STAMBPL1: variants seen among roughly 807,000 people sequenced by gnomAD.
STAMBPL1 encodes STAM binding protein like 1, also known as AMSH-like protease.
Under a neutral mutation model 52.9 loss-of-function variants are expected in STAMBPL1, and 44 were observed. That is an observed-to-expected ratio of 0.83 (90% CI 0.65 to 1.07). STAMBPL1 has a LOEUF of 1.07. Ranked by LOEUF, STAMBPL1 falls within the 50% of genes least tolerant of loss-of-function variation. The pLI is 0.00. For missense variants in STAMBPL1, 511 were observed against 520.8 expected, an observed-to-expected ratio of 0.98 and a Z score of 0.18; for synonymous variants, 164 against 177.3, an observed-to-expected ratio of 0.92 and a Z score of 0.60.
At chr10:88,881,555 A>G (rs1844406504) in intron 1 of STAMBPL1, among the ~76,000 whole-genome samples, 2 of 152,172 alleles carry the variant, frequency 1.3e-5, no homozygotes. Context: ...ATTTTAAGCT[A>G]TTTCCGAAGA....
At chr10:88,908,654 G>A (rs766623833) in intron 3 of STAMBPL1, 48 bp from the exon 4 acceptor site, 9 of 1,467,112 alleles carry the variant, frequency 6.1e-6, no homozygotes, top group Non-Finnish European at 8.5e-6. Context: ...AAGCATTATT[G>A]AACTTTTGCT....
chr10:88,901,279 C>A (rs1474114460), intron 1 of STAMBPL1: 5 of 152,914 alleles, frequency 3.3e-5, no homozygotes, highest in East Asian at 3.8e-4. Context: ...GAGTTTAAAT[C>A]CAGACTGGCT....
intron 1 of STAMBPL1, among the ~76,000 whole-genome samples, chr10:88,887,635 T>C (rs1717391690): frequency 6.6e-6 from 1 of 152,194 alleles, no homozygotes; most frequent in African/African-American, 2.4e-5. Flanking sequence ...TTCAAGCGAT[T>C]AGCCTTCTAA....
chr10:88,900,349 A>T (rs934249836), intron 1 of STAMBPL1, among the ~76,000 whole-genome samples: 1 of 152,226 alleles, frequency 6.6e-6, no homozygotes, highest in Admixed American at 6.5e-5. Context: ...TGGGGTATAA[A>T]GGACAAAATA....
intron 4 of STAMBPL1, 76 bp downstream of exon 4, chr10:88,908,853 C>A: frequency 8.6e-7 from 1 of 1,162,148 alleles, no homozygotes; most frequent in Non-Finnish European, 1.2e-6. Context: ...CTTCCCCTTC[C>A]TCCCCTTTCT....
rs537515325 is a variant in STAMBPL1 at position 88,921,574 on chromosome 10, A to G, written c.1154+179A>G. On this transcript the variant is annotated intron_variant, in intron 9 of 10. Coordinates refer to ENST00000371926, the MANE Select transcript of STAMBPL1 (RefSeq NM_020799.4). ...TAGCTCTGCAGTTTAAGGTCCTTTC[A>G]GTGGCAGAATTACTGATTTTCTTTC... Among the ~76,000 whole-genome samples, 63 of 152,328 alleles carry G rather than the reference A, an allele frequency of 4.1e-4. No individual in the cohort carries two copies. The South Asian group carries it at 0.01, about 25-fold the overall frequency.
chr10:88,892,622 T>C (rs1844717196), intron 1 of STAMBPL1, among the ~76,000 whole-genome samples: 1 of 152,146 alleles, frequency 6.6e-6, no homozygotes, highest in Non-Finnish European at 1.5e-5. Flanking sequence ...GAAGGAAACT[T>C]TTTTCTGTTT....
At chr10:88,881,937 A>C (rs1230841569) in intron 1 of STAMBPL1, 14 of 152,228 alleles carry the variant, frequency 9.2e-5, no homozygotes. Context: ...TTGCACCATG[A>C]GAGCTTCTCC....
chr10:88,898,635 G>T (rs576975919), intron 1 of STAMBPL1, among the ~76,000 whole-genome samples: 1 of 152,294 alleles, frequency 6.6e-6, no homozygotes, highest in Non-Finnish European at 1.5e-5. Context: ...ATATGTGGGA[G>T]TGAATAGTTT....
chr10:88,916,076 G>C (rs568660833), intron 7 of STAMBPL1, among the ~76,000 whole-genome samples: 23 of 152,156 alleles, frequency 1.5e-4, no homozygotes, highest in African/African-American at 4.1e-4. Flanking sequence ...TTGCCTAAGG[G>C]GGGTAATTTG....
intron 1 of STAMBPL1, among the ~76,000 whole-genome samples, chr10:88,889,205 G>A (rs1844616911): frequency 6.6e-6 from 1 of 152,120 alleles, no homozygotes; most frequent in African/African-American, 2.4e-5. Flanking sequence ...AAACCATGCT[G>A]CAGTGTGTGT....
Position 88,911,031 on chromosome 10 carries a change from T to C in STAMBPL1, c.420+20T>C. On this transcript the variant is annotated intron_variant, in intron 5 of 10. Coordinates refer to ENST00000371926, the MANE Select transcript of STAMBPL1 (RefSeq NM_020799.4). ...AGCAAAGTAAGTTCAGTTGGTACAT[T>C]TATTTCATGACTATTTTATGTACAA... 7.0e-7 allele frequency: 1 copy of C among 1,437,088 alleles called. No individual in the cohort carries two copies. The highest frequency in any genetic ancestry group is 1.3e-5 in the South Asian group (1 of 76,610). 89.0% of individuals were successfully genotyped at this position (1,437,088 alleles called of 1,614,324 possible).
At chr10:88,888,775 G>A (rs2133125212) in intron 1 of STAMBPL1, among the ~76,000 whole-genome samples, 1 of 152,262 alleles carries the variant, frequency 6.6e-6, no homozygotes, top group South Asian at 2.1e-4. Context: ...AATTGGCAGG[G>A]CTAGGATTCA....
At chr10:88,922,790 T>C (rs1845547497) in intron 10 of STAMBPL1, among the ~76,000 whole-genome samples, 1 of 152,144 alleles carries the variant, frequency 6.6e-6, no homozygotes, top group Non-Finnish European at 1.5e-5. Flanking sequence ...CTGCTTGATA[T>C]GGCCAAATTA....
At chr10:88,902,519 T>C (rs886736099) in intron 2 of STAMBPL1, among the ~76,000 whole-genome samples, 2 of 151,990 alleles carry the variant, frequency 1.3e-5, no homozygotes, top group Non-Finnish European at 2.9e-5. Context: ...CACCAGGACA[T>C]AAAGAAAGAG....
chr10:88,897,673 G>A (rs966220100), intron 1 of STAMBPL1, among the ~76,000 whole-genome samples: 1 of 152,140 alleles, frequency 6.6e-6, no homozygotes, highest in East Asian at 1.9e-4. Context: ...TGTGACAAGC[G>A]CCCTGCCGAA....
intron 1 of STAMBPL1, among the ~76,000 whole-genome samples, chr10:88,891,753 G>A (rs1162824596): frequency 1.3e-5 from 2 of 152,070 alleles, no homozygotes; most frequent in Non-Finnish European, 2.9e-5. Flanking sequence ...TAATTGTGTA[G>A]ATAATTGTTT....
At position 88,923,245 on chromosome 10, in the gene STAMBPL1, C is replaced by A; in HGVS notation, c.*21C>A. 6.3e-7 allele frequency: 1 copy of A among 1,583,244 alleles called. No homozygotes were observed. Among genetic ancestry groups the A allele is most frequent in the Non-Finnish European group, 8.5e-7 (1 of 1,170,016 alleles). ...GGTGATATGTTCTGAATGTAAGCAC[C>A]GTCAACATCAGACACCTACTCATGG... is the stretch of plus-strand genomic sequence containing the variant. On this transcript the variant is annotated 3_prime_UTR_variant, in exon 11 of 11. Transcript: ENST00000371926.
At chr10:88,921,217 TAA>T in intron 8 of STAMBPL1, 64 bp from the exon 9 acceptor site, 1 of 1,261,136 alleles carries the variant, frequency 7.9e-7, no homozygotes, top group Non-Finnish European at 1.1e-6. Flanking sequence ...AGTTTTCTAT[TAA>T]AATAGCCTAT....
Sources: allele counts gnomAD v4.1 joint callset (sites outside exome capture counted in the v4.1 genomes callset), GRCh38; gene constraint gnomAD v4.1.1; transcripts MANE v1.5; gene names NCBI Gene and HGNC (gene_info 2026-07-23, HGNC 2026-07-21).